CHRNA5: variants seen among roughly 807,000 people sequenced by gnomAD.
The protein encoded by CHRNA5 is cholinergic receptor nicotinic alpha 5 subunit, also known as neuronal acetylcholine receptor subunit alpha-5.
CHRNA5 carries 28 observed loss-of-function variants against 41.2 expected under a neutral mutation model. The ratio of observed to expected loss-of-function variants is 0.68; its 90% CI spans 0.50 to 0.93. The LOEUF (loss-of-function observed/expected upper bound fraction) is 0.93, where lower values mean the gene tolerates loss of function less well. Among genes scored for constraint, CHRNA5 ranks in the 40% least tolerant of loss-of-function variants. The pLI is 0.00. For synonymous variants in CHRNA5, 188 were observed against 205.8 expected (o/e 0.91, Z 0.74); for missense variants, 481 against 581.9 (o/e 0.83, Z 1.78).
rs540756988 is a variant in CHRNA5 at position 78,578,400 on chromosome 15, C to T, written c.107-2411C>T. Among the ~76,000 whole-genome samples the T allele has an allele frequency of 2.6e-5, 4 of 152,162 alleles. No homozygotes were observed. The East Asian group carries it at 7.7e-4, about 29-fold the overall frequency. ...GCGTGTGCCTGTGGTCCCTGCTGTTCGGGAGGCTGAGACAGAGAATCACTT... is the reference window on the plus strand; with the variant it reads ...GCGTGTGCCTGTGGTCCCTGCTGTTTGGGAGGCTGAGACAGAGAATCACTT... On this transcript the variant is annotated intron_variant, in intron 1 of 5. Coordinates refer to ENST00000299565, the Ensembl canonical transcript of CHRNA5.
At chr15:78,571,542 T>A (rs1326129621) in intron 1 of CHRNA5, among the ~76,000 whole-genome samples, 3 of 151,220 alleles carry the variant, frequency 2.0e-5, no homozygotes, top group Non-Finnish European at 4.4e-5. Context: ...ATTAAGATAA[T>A]GAACTCTGCA....
At chr15:78,570,884 A>G (rs140374383) in intron 1 of CHRNA5, among the ~76,000 whole-genome samples, 4 of 152,306 alleles carry the variant, frequency 2.6e-5, no homozygotes, top group African/African-American at 9.6e-5. Context: ...TTAGCAGCAT[A>G]CTGGTCTCTA....
exon 5 of CHRNA5, chr15:78,589,852 A>G: frequency 3.7e-6 from 6 of 1,612,620 alleles, no homozygotes; most frequent in Non-Finnish European, 5.1e-6. Flanking sequence ...GTCATCAGGT[A>G]CAATGGCACT....
intron 5 of CHRNA5, among the ~76,000 whole-genome samples, chr15:78,592,029 CAG>C (rs993669356): frequency 1.3e-5 from 2 of 152,162 alleles, no homozygotes; most frequent in Non-Finnish European, 2.9e-5. Flanking sequence ...CAGATAAAAA[CAG>C]AGGCAGAGGT....
At chr15:78,574,917 G>A (rs2052843401) in intron 1 of CHRNA5, among the ~76,000 whole-genome samples, 1 of 150,464 alleles carries the variant, frequency 6.6e-6, no homozygotes, top group South Asian at 2.1e-4. Context: ...AGGCTGCAGT[G>A]AGCCAAGATC....
chr15:78,579,380 A>G (rs2052889416), intron 1 of CHRNA5, among the ~76,000 whole-genome samples: 1 of 152,018 alleles, frequency 6.6e-6, no homozygotes, highest in Non-Finnish European at 1.5e-5. Context: ...CAGCCTCCCA[A>G]GTAGCTGGGA....
chr15:78,576,256 C>T (rs1050787712), intron 1 of CHRNA5, among the ~76,000 whole-genome samples: 15 of 152,162 alleles, frequency 9.9e-5, no homozygotes, highest in African/African-American at 3.6e-4. Context: ...AATAGATCCT[C>T]CTACCTCAGC....
intron 2 of CHRNA5, among the ~76,000 whole-genome samples, chr15:78,583,551 T>C (rs541239931): frequency 5.3e-4 from 80 of 152,086 alleles, no homozygotes; most frequent in African/African-American, 1.8e-3. Context: ...AAAAATTAGC[T>C]GGGCATGGTG....
chr15:78,574,565 T>C (rs1001005920), intron 1 of CHRNA5, among the ~76,000 whole-genome samples: 1 of 152,102 alleles, frequency 6.6e-6, no homozygotes, highest in Non-Finnish European at 1.5e-5. Context: ...TTTATTAATG[T>C]TTTTTAATGG....
At chr15:78,586,718 C>T in intron 3 of CHRNA5, 29 bp downstream of exon 3, 1 of 1,517,894 alleles carries the variant, frequency 6.6e-7, no homozygotes, top group Non-Finnish European at 9.1e-7. Flanking sequence ...AACGGGCACC[C>T]AATTAGTGAC....
exon 2 of CHRNA5, chr15:78,580,946 C>T (rs768348027): frequency 3.8e-5 from 62 of 1,613,412 alleles, no homozygotes; most frequent in Non-Finnish European, 4.8e-5. Context: ...CTTGCAATAT[C>T]TCAATTGGTG....
In CHRNA5 at chr15:78,581,096, G is replaced by A. The variant is rs559428006; in HGVS notation, c.258+134G>A. 2.1e-5 allele frequency: 16 copies of A among 764,474 alleles called. No homozygotes were observed. The African/African-American group carries it at 2.6e-4, about 12-fold the overall frequency. The allele number at this position is 764,474 out of a possible 1,614,324, so 47.4% of individuals were successfully genotyped here. A position where few individuals can be genotyped will look rare whatever the true frequency, so the allele number is the denominator to read the frequency against. On this transcript the variant is annotated intron_variant, in intron 2 of 5. Transcript: ENST00000299565. ...GTCCTTTGCCTGAAGGAACTCACCAGGGAAAAGTAGTGATTGTGTCACATA... is the reference window on the plus strand; with the variant it reads ...GTCCTTTGCCTGAAGGAACTCACCAAGGAAAAGTAGTGATTGTGTCACATA...
chr15:78,586,570 T>C lies in CHRNA5; in HGVS notation c.259-75T>C. On this transcript the variant is annotated intron_variant, in intron 2 of 5. Transcript: ENST00000299565. Reference sequence around the variant, plus strand: ...GTGAAGAAGAGTGTTTATATAACAATGTGAAATTTATTATTTAAAGAATTA... The same window carrying C: ...GTGAAGAAGAGTGTTTATATAACAACGTGAAATTTATTATTTAAAGAATTA... 4.6e-6 allele frequency: 4 copies of C among 874,392 alleles called. No homozygotes were observed. In the South Asian group the frequency reaches 4.8e-5, roughly 11 times the overall value. 54.2% of individuals were successfully genotyped at this position (874,392 alleles called of 1,614,324 possible).
chr15:78,589,777 ATT>A (rs762147553), intron 4 of CHRNA5, 26 bp from the exon 5 acceptor site: 9 of 1,480,328 alleles, frequency 6.1e-6, no homozygotes, highest in Non-Finnish European at 6.4e-6. Context: ...TAATTTCTGC[ATT>A]GTTATTTTAT....
chr15:78,576,712 T>G (rs981496284), intron 1 of CHRNA5, among the ~76,000 whole-genome samples: 5 of 151,440 alleles, frequency 3.3e-5, no homozygotes, highest in Non-Finnish European at 5.9e-5. Flanking sequence ...GGTGGGAGGA[T>G]TGCTTGAGTC....
chr15:78,586,678 T>A, exon 3 of CHRNA5: 1 of 1,603,964 alleles, frequency 6.2e-7, no homozygotes, highest in Non-Finnish European at 8.5e-7. Context: ...AACAAACGTC[T>A]GGTTGAAACA....
In CHRNA5 at chr15:78,592,165, T is replaced by C. The variant is rs964971499; in HGVS notation, c.1246-927T>C. ...GGTGAAACACTGTCTCTCCTAAAAA[T>C]AGAAAAATTAGCTGGGCATGGTGGT... On this transcript the variant is annotated intron_variant, in intron 5 of 5. Coordinates refer to ENST00000299565, the Ensembl canonical transcript of CHRNA5. Among the ~76,000 whole-genome samples the C allele has an allele frequency of 2.6e-5, 4 of 152,028 alleles. No homozygotes were observed. The East Asian group carries it at 5.8e-4, about 22-fold the overall frequency.
chr15:78,591,407 G>A (rs1028068686), intron 5 of CHRNA5: 1 of 149,308 alleles, frequency 6.7e-6, no homozygotes, highest in Non-Finnish European at 1.5e-5. Flanking sequence ...TTTAAAGAAT[G>A]AGCCTAATGT....
chr15:78,582,097 C>T (rs1303759265), intron 2 of CHRNA5, among the ~76,000 whole-genome samples: 22 of 152,168 alleles, frequency 1.4e-4, no homozygotes, highest in Admixed American at 1.2e-3. Flanking sequence ...CATCTAATTG[C>T]TTCCAGAAAG....
Sources: gnomAD v4.1 joint callset for allele counts (sites outside exome capture counted in the v4.1 genomes callset) on GRCh38, gnomAD v4.1.1 for gene constraint, MANE v1.5 for transcripts, NCBI Gene and HGNC (gene_info 2026-07-23, HGNC 2026-07-21) for gene names.